The following XRRA1 variants were observed in gnomAD, a reference collection of about 807,000 sequenced individuals.
XRRA1 encodes the protein X-ray radiation resistance associated 1.
In XRRA1, 69 loss-of-function variants were observed where a neutral mutation model predicts 80.2. The observed-to-expected ratio is 0.86, with a 90% CI of 0.71 to 1.05. XRRA1 has a LOEUF of 1.05. XRRA1 is among the 50% of genes least tolerant of loss of function. The pLI is 0.00. For synonymous variants in XRRA1, 348 were observed against 389.9 expected (o/e 0.89, Z 1.27); for missense variants, 967 against 976.4 (o/e 0.99, Z 0.13).
At chr11:74,902,643 T>A (rs1565367157) in intron 10 of XRRA1, among the ~76,000 whole-genome samples, 1 of 152,190 alleles carries the variant, frequency 6.6e-6, no homozygotes, top group Non-Finnish European at 1.5e-5. Context: ...GAGGTCCCTA[T>A]GTTAAGTGAA....
At chr11:74,880,478 T>A (rs1186136222) in intron 10 of XRRA1, among the ~76,000 whole-genome samples, 25 of 148,674 alleles carry the variant, frequency 1.7e-4, no homozygotes, top group Non-Finnish European at 4.5e-5. Context: ...CTGCTCTGAT[T>A]TTAGTTATTT....
chr11:74,893,369 A>G (rs188030048), intron 10 of XRRA1, among the ~76,000 whole-genome samples: 1,510 of 148,338 alleles, frequency 0.01, 31 homozygotes, highest in African/African-American at 0.033. Context: ...GAACACATGG[A>G]CACAGGAAGG....
chr11:74,945,713 C>A (rs997027864), intron 1 of XRRA1, among the ~76,000 whole-genome samples: 3 of 152,096 alleles, frequency 2.0e-5, no homozygotes, highest in Non-Finnish European at 4.4e-5. Flanking sequence ...GCTTTAGTTA[C>A]CTCTGGTCTC....
At chr11:74,859,698 A>C (rs1313479958) in intron 11 of XRRA1, among the ~76,000 whole-genome samples, 4 of 152,038 alleles carry the variant, frequency 2.6e-5, no homozygotes, top group Non-Finnish European at 4.4e-5. Context: ...CTTAAGGGGA[A>C]TTTTTCTAGG....
intron 10 of XRRA1, among the ~76,000 whole-genome samples, chr11:74,900,511 G>A (rs150183360): frequency 0.012 from 1,873 of 152,280 alleles, 17 homozygotes; most frequent in Non-Finnish European, 0.019. Context: ...GAACCTGGGA[G>A]GTGGAGGCTG....
chr11:74,900,517 G>A (rs867245395), intron 10 of XRRA1, among the ~76,000 whole-genome samples: 1 of 152,190 alleles, frequency 6.6e-6, no homozygotes, highest in Non-Finnish European at 1.5e-5. Flanking sequence ...GGGAGGTGGA[G>A]GCTGCGGTGA....
chr11:74,904,891 T>TAAA (rs35880400), intron 10 of XRRA1, among the ~76,000 whole-genome samples: 4 of 70,094 alleles, frequency 5.7e-5, no homozygotes, highest in African/African-American at 1.1e-4. Context: ...AACTTCACAG[T>TAAA]AAAAAAAAAA....
At chr11:74,939,275 C>T (rs1364064856) in intron 3 of XRRA1, among the ~76,000 whole-genome samples, 2 of 152,166 alleles carry the variant, frequency 1.3e-5, no homozygotes, top group East Asian at 3.8e-4. Flanking sequence ...TCTCTTGAAC[C>T]TGGGAGGTGA....
chr11:74,932,935 T>A (rs1943984592), intron 5 of XRRA1, among the ~76,000 whole-genome samples: 1 of 152,228 alleles, frequency 6.6e-6, no homozygotes, highest in Admixed American at 6.5e-5. Flanking sequence ...GTAATCTCTC[T>A]TGGTATGCCA....
At position 74,848,423 on chromosome 11, in the gene XRRA1, C is replaced by G. The variant is rs1565220877; in HGVS notation, c.1420G>C (p.Val474Leu). Residue 474 changes from valine (V) to leucine (L), a missense_variant, in exon 15 of 19, where the codon GTG becomes CTG. Coordinates refer to ENST00000684022, the MANE Select transcript of XRRA1 (RefSeq NM_001378157.1). ...EIPKVPKQPLVLHHPRMTTTK... is the reference protein window; with the variant it reads ...EIPKVPKQPLLLHHPRMTTTK... ...GTCGTCATGCGCGGGTGATGGAGCA[C>G]CAGAGGCTGCTTCGGCACCTTTGGG... 1.2e-6 allele frequency: 2 copies of G among 1,612,552 alleles called. No individual in the cohort carries two copies. Among genetic ancestry groups the G allele is most frequent in the South Asian group, 1.1e-5 (1 of 91,052 alleles).
chr11:74,936,406 G>A (rs1421616306), intron 4 of XRRA1, among the ~76,000 whole-genome samples: 1 of 152,228 alleles, frequency 6.6e-6, no homozygotes, highest in Non-Finnish European at 1.5e-5. Flanking sequence ...TCACCCCAAA[G>A]AGCACAGCAG....
intron 2 of XRRA1, among the ~76,000 whole-genome samples, chr11:74,943,524 G>GGGGTGTGTGTGTGTGT (rs1330173160): frequency 1.1e-3 from 150 of 137,848 alleles, no homozygotes; most frequent in African/African-American, 3.8e-3. Context: ...AGAGTAGGAG[G>GGGGTGTGTGTGTGTGT]GTGTGTGTGT....
chr11:74,923,792 C>T (rs969899307), intron 7 of XRRA1, among the ~76,000 whole-genome samples: 1 of 152,158 alleles, frequency 6.6e-6, no homozygotes, highest in Admixed American at 6.5e-5. Flanking sequence ...GGTTCTAGCT[C>T]AGAAGCTGAC....
At chr11:74,942,340 A>G (rs1199938917) in intron 2 of XRRA1, among the ~76,000 whole-genome samples, 1 of 152,204 alleles carries the variant, frequency 6.6e-6, no homozygotes, top group Non-Finnish European at 1.5e-5. Context: ...TTATGTATGA[A>G]AGAGTGAATG....
intron 14 of XRRA1, among the ~76,000 whole-genome samples, chr11:74,850,262 G>A (rs144903033): frequency 6.6e-6 from 1 of 152,318 alleles, no homozygotes; most frequent in East Asian, 1.9e-4. Context: ...TCCTGGGCAT[G>A]GGGCTCTGTA....
At chr11:74,861,318 T>C (rs1313201827) in intron 11 of XRRA1, among the ~76,000 whole-genome samples, 1 of 152,248 alleles carries the variant, frequency 6.6e-6, no homozygotes, top group East Asian at 1.9e-4. Context: ...AAACATCATC[T>C]GTATTTACAG....
chr11:74,858,758 A>G (rs1048780709), intron 12 of XRRA1, among the ~76,000 whole-genome samples: 1 of 152,214 alleles, frequency 6.6e-6, no homozygotes, highest in African/African-American at 2.4e-5. Context: ...GTATTAGGTT[A>G]GACACCTCCC....
chr11:74,866,833 G>T (rs1461500073), intron 10 of XRRA1, among the ~76,000 whole-genome samples: 1 of 152,078 alleles, frequency 6.6e-6, no homozygotes, highest in East Asian at 1.9e-4. Context: ...AGGAATAAAA[G>T]CTTGCAGGAT....
At chr11:74,907,962 G>T (rs900966331) in intron 8 of XRRA1, among the ~76,000 whole-genome samples, 2 of 152,132 alleles carry the variant, frequency 1.3e-5, no homozygotes, top group African/African-American at 4.8e-5. Flanking sequence ...CCATTAATGT[G>T]ACCTCACTTG....
Sources: gnomAD v4.1 joint callset for allele counts (sites outside exome capture counted in the v4.1 genomes callset) on GRCh38, gnomAD v4.1.1 for gene constraint, MANE v1.5 for transcripts, NCBI Gene and HGNC (gene_info 2026-07-23, HGNC 2026-07-21) for gene names.